The following HDAC9 variants were observed in gnomAD, a reference collection of about 807,000 sequenced individuals.
The protein encoded by HDAC9 is histone deacetylase 9.
HDAC9 carries 41 observed loss-of-function variants against 139.4 expected under a neutral mutation model. The ratio of observed to expected loss-of-function variants is 0.29; its 90% CI spans 0.23 to 0.38. The LOEUF (loss-of-function observed/expected upper bound fraction) is 0.38. HDAC9 is among the 10% of genes least tolerant of loss of function. The pLI, the probability that HDAC9 is intolerant of heterozygous loss-of-function variation, is 1.00. For missense variants in HDAC9, 1,147 were observed against 1,297.0 expected, an observed-to-expected ratio of 0.88 and a Z score of 1.78; for synonymous variants, 517 against 476.2, an observed-to-expected ratio of 1.09 and a Z score of -1.12.
At chr7:18,639,313 C>G (rs149823655) in intron 8 of HDAC9, among the ~76,000 whole-genome samples, 2 of 152,112 alleles carry the variant, frequency 1.3e-5, no homozygotes, top group East Asian at 1.9e-4. Context: ...ACGTTCCCCC[C>G]ACCCCCAATT....
chr7:18,732,366 C>G (rs183447835), intron 13 of HDAC9, among the ~76,000 whole-genome samples: 7 of 151,822 alleles, frequency 4.6e-5, no homozygotes, highest in Non-Finnish European at 4.4e-5. Flanking sequence ...ACTCTATAAG[C>G]TTCTCTTTAA....
intron 1 of HDAC9, among the ~76,000 whole-genome samples, chr7:18,477,104 A>G (rs149694968): frequency 2.6e-5 from 4 of 152,308 alleles, no homozygotes; most frequent in East Asian, 3.9e-4. Flanking sequence ...CACCTTGACA[A>G]TGTTCACCTT....
chr7:18,641,509 C>T (rs747139976), intron 8 of HDAC9, among the ~76,000 whole-genome samples: 3 of 152,048 alleles, frequency 2.0e-5, no homozygotes, highest in African/African-American at 4.8e-5. Context: ...AGAAGTTACC[C>T]GTTAATTGTT....
chr7:18,951,654 C>T (rs923198899), intron 23 of HDAC9, among the ~76,000 whole-genome samples: 10 of 151,896 alleles, frequency 6.6e-5, no homozygotes, highest in Admixed American at 1.3e-4. Context: ...ATCTCCATCA[C>T]CAATGTTTTT....
intron 6 of HDAC9, among the ~76,000 whole-genome samples, chr7:18,627,139 T>C (rs1841932332): frequency 6.6e-6 from 1 of 152,240 alleles, no homozygotes; most frequent in African/African-American, 2.4e-5. Flanking sequence ...GAAAGCACTA[T>C]AATCTCACTG....
chr7:18,295,896 C>G (rs187680658), intron 1 of HDAC9, among the ~76,000 whole-genome samples: 138 of 152,252 alleles, frequency 9.1e-4, no homozygotes, highest in Middle Eastern at 3.4e-3. Context: ...CCCCCCACAA[C>G]AAAGAATTAT....
intron 1 of HDAC9, among the ~76,000 whole-genome samples, chr7:18,310,319 T>G (rs1308140902): frequency 1.3e-5 from 2 of 152,168 alleles, no homozygotes; most frequent in East Asian, 3.9e-4. Context: ...GATAGATATT[T>G]CTTTGGAGGA....
intron 2 of HDAC9, among the ~76,000 whole-genome samples, chr7:18,183,374 G>A (rs751863953): frequency 6.6e-6 from 1 of 152,048 alleles, no homozygotes; most frequent in Non-Finnish European, 1.5e-5. Flanking sequence ...TCCCTCAATC[G>A]TGAATTTTTC....
chr7:18,309,275 A>C, intron 1 of HDAC9, among the ~76,000 whole-genome samples: 1 of 152,150 alleles, frequency 6.6e-6, no homozygotes, highest in Non-Finnish European at 1.5e-5. Flanking sequence ...TTTCCAAAAA[A>C]TATACCGTGC....
At chr7:18,868,796 C>T (rs555040503) in intron 21 of HDAC9, among the ~76,000 whole-genome samples, 1 of 152,166 alleles carries the variant, frequency 6.6e-6, no homozygotes, top group South Asian at 2.1e-4. Context: ...ACTCTTCCCA[C>T]CCTTCTTATT....
At chr7:18,666,062 G>A (rs928337803) in intron 11 of HDAC9, 151 bp from the exon 12 acceptor site, 1 of 774,584 alleles carries the variant, frequency 1.3e-6, no homozygotes. Flanking sequence ...TAGTATTACT[G>A]AGGAAACTTG....
At chr7:18,875,332 G>A (rs893381220) in intron 22 of HDAC9, among the ~76,000 whole-genome samples, 3 of 152,016 alleles carry the variant, frequency 2.0e-5, no homozygotes, top group African/African-American at 7.2e-5. Context: ...AAAAATAGAA[G>A]AAAAAAGTAA....
At chr7:18,779,203 T>C (rs1160510911) in intron 16 of HDAC9, among the ~76,000 whole-genome samples, 1 of 152,032 alleles carries the variant, frequency 6.6e-6, no homozygotes, top group Non-Finnish European at 1.5e-5. Context: ...AAAGAGAGAA[T>C]GCATGTGGGT....
At position 18,270,480 on chromosome 7, in the gene HDAC9, C is replaced by T. The variant is rs541149669; in HGVS notation, c.25+108131C>T. 2.0e-5 allele frequency among the ~76,000 whole-genome samples: 3 copies of T among 152,240 alleles called. No individual in the cohort carries two copies. In the East Asian group the frequency reaches 5.8e-4, roughly 29 times the overall value. ...TTAATAATATAGAAAAGGCCAAGTA[C>T]ATTGGTACTTTCCTTTGTGGGATAT... On this transcript the variant is annotated intron_variant, in intron 2 of 12. Transcript: ENST00000417496.
At chr7:18,989,647 G>T (rs1418586880) in intron 25 of HDAC9, among the ~76,000 whole-genome samples, 1 of 151,096 alleles carries the variant, frequency 6.6e-6, no homozygotes, top group Non-Finnish European at 1.5e-5. Flanking sequence ...CCTGCAGAGT[G>T]TTTTCCAACT....
At chr7:18,139,609 T>TA (rs1785738411) in intron 1 of HDAC9, among the ~76,000 whole-genome samples, 1 of 152,184 alleles carries the variant, frequency 6.6e-6, no homozygotes, top group East Asian at 1.9e-4. Flanking sequence ...GTAGGCTGAA[T>TA]AATGGCACCC....
chr7:18,847,775 A>T (rs557878573), intron 21 of HDAC9, among the ~76,000 whole-genome samples: 1 of 152,262 alleles, frequency 6.6e-6, no homozygotes, highest in Non-Finnish European at 1.5e-5. Flanking sequence ...CAACTGGTAA[A>T]ATGGATTATG....
At chr7:18,786,585 G>GCTTCCTTCCTTCCTTCCTTCCTTCCTTC (rs34314311) in intron 16 of HDAC9, among the ~76,000 whole-genome samples, 2 of 53,228 alleles carry the variant, frequency 3.8e-5, no homozygotes, top group African/African-American at 1.3e-4. Context: ...TGGCTGGCTG[G>GCTTCCTTCCTTCCTTCCTTCCTTCCTTC]CTTCCTTCCT....
At chr7:18,748,923 G>T in intron 13 of HDAC9, 82 bp from the exon 14 acceptor site, 2 of 1,266,782 alleles carry the variant, frequency 1.6e-6, no homozygotes, top group South Asian at 1.4e-5. Flanking sequence ...TGACTTTTTT[G>T]GAGTTATCAT....
Sources: gnomAD v4.1 joint callset for allele counts (sites outside exome capture counted in the v4.1 genomes callset) on GRCh38, gnomAD v4.1.1 for gene constraint, MANE v1.5 for transcripts, NCBI Gene and HGNC (gene_info 2026-07-23, HGNC 2026-07-21) for gene names.